KDM5A: variants seen among roughly 807,000 people sequenced by gnomAD.
The protein encoded by KDM5A is lysine demethylase 5A, also known as lysine-specific demethylase 5A.
Under a neutral mutation model 193.5 loss-of-function variants are expected in KDM5A, and 42 were observed. That is an observed-to-expected ratio of 0.22 (90% CI 0.17 to 0.28). KDM5A has a LOEUF of 0.28. KDM5A is among the 10% of genes least tolerant of loss of function. The pLI is 1.00. For missense variants in KDM5A, 1,692 were observed against 2,055.1 expected (o/e 0.82, Z 3.42); for synonymous variants, 796 against 718.1 (o/e 1.11, Z -1.73).
chr12:294,629 C>CT (rs1347564856), intron 26 of KDM5A, among the ~76,000 whole-genome samples: 1 of 152,170 alleles, frequency 6.6e-6, no homozygotes, highest in African/African-American at 2.4e-5. Context: ...CAAACTATAG[C>CT]ATATGCTAAA....
chr12:322,619 C>T (rs1943732180), intron 16 of KDM5A, 52 bp from the exon 17 acceptor site: 1 of 1,537,316 alleles, frequency 6.5e-7, no homozygotes, highest in African/African-American at 1.4e-5. Context: ...ACACAAAAAG[C>T]CATTCTAAAA....
chr12:367,787 A>T (rs1207374098), intron 3 of KDM5A, among the ~76,000 whole-genome samples: 1 of 152,008 alleles, frequency 6.6e-6, no homozygotes, highest in Non-Finnish European at 1.5e-5. Flanking sequence ...AGTTGAACCC[A>T]GGAGATCAAG....
intron 4 of KDM5A, among the ~76,000 whole-genome samples, chr12:363,795 G>C (rs7311496): frequency 0.81 from 122,140 of 151,718 alleles, 49,352 homozygotes; most frequent in East Asian, 0.91. Flanking sequence ...TTCAAAAAGT[G>C]ACCAGTACAA....
chr12:324,313 C>T (rs1043528105), intron 14 of KDM5A, among the ~76,000 whole-genome samples: 2 of 152,020 alleles, frequency 1.3e-5, no homozygotes, highest in African/African-American at 2.4e-5. Flanking sequence ...AAAAAGAATG[C>T]GATTACCACA....
chr12:355,019 C>G, intron 7 of KDM5A, 139 bp downstream of exon 7: 1 of 700,012 alleles, frequency 1.4e-6, no homozygotes, highest in South Asian at 1.5e-5. Context: ...TAAACAAAAG[C>G]TGTAACTTCA....
intron 24 of KDM5A, among the ~76,000 whole-genome samples, chr12:299,751 T>C (rs189823457): frequency 1.4e-4 from 21 of 152,050 alleles, no homozygotes; most frequent in African/African-American, 4.1e-4. Context: ...GACTAGCCAA[T>C]TGGATAAAGA....
At chr12:325,391 AT>A (rs202068753) in intron 14 of KDM5A, among the ~76,000 whole-genome samples, 3 of 151,988 alleles carry the variant, frequency 2.0e-5, no homozygotes, top group South Asian at 2.1e-4. Context: ...GAAAAAATAT[AT>A]TTTTTTTGTT....
At chr12:322,268 A>G (rs961078516) in intron 17 of KDM5A, 149 bp downstream of exon 17, 3 of 679,908 alleles carry the variant, frequency 4.4e-6, no homozygotes, top group African/African-American at 3.6e-5. Context: ...GAATAGTAGG[A>G]GATAAAACTG....
At chr12:348,103 G>A (rs1188089856) in intron 10 of KDM5A, among the ~76,000 whole-genome samples, 2 of 152,146 alleles carry the variant, frequency 1.3e-5, no homozygotes, top group African/African-American at 4.8e-5. Context: ...AGTGGGCAAA[G>A]GATATGAACA....
intron 24 of KDM5A, among the ~76,000 whole-genome samples, chr12:301,545 G>A (rs1482174823): frequency 6.6e-6 from 1 of 152,150 alleles, no homozygotes; most frequent in Non-Finnish European, 1.5e-5. Flanking sequence ...AATAATAAGA[G>A]CTACTTACAA....
At position 361,568 on chromosome 12, in the gene KDM5A, CA is replaced by C. The variant is rs1016670609; in HGVS notation, c.672+1394del. ...ATCTTCATGGTTTCAAGGTGAACAT[CA>C]AAAAAAATTTCATCACAAGCTGGTG... On this transcript the variant is annotated intron_variant, in intron 5 of 27. Coordinates refer to ENST00000399788, the MANE Select transcript of KDM5A (RefSeq NM_001042603.3). Among the ~76,000 whole-genome samples the C allele has an allele frequency of 2.0e-5, 3 of 151,898 alleles. No individual in the cohort carries two copies. The East Asian group carries it at 5.8e-4, about 29-fold the overall frequency.
Position 285,333 on chromosome 12 carries a change from CT to C in KDM5A, c.*122del, listed in dbSNP as rs1943206953. The C allele has an allele frequency of 2.4e-6, 2 of 826,160 alleles. No homozygotes were observed. Among genetic ancestry groups the C allele is most frequent in the African/African-American group, 1.7e-5 (1 of 59,224 alleles). The allele number at this position is 826,160 out of a possible 1,614,324, so 51.2% of individuals were successfully genotyped here. A position where few individuals can be genotyped will look rare whatever the true frequency, so the allele number is the denominator to read the frequency against. On this transcript the variant is annotated 3_prime_UTR_variant, in exon 28 of 28. Transcript: ENST00000399788. ...AAAGAGGAAGCCAGCACTAAGGGGACTTTCTCTGAAGGCCATTCATCTTTGG... is the reference window on the plus strand; with the variant it reads ...AAAGAGGAAGCCAGCACTAAGGGGACTTCTCTGAAGGCCATTCATCTTTGG...
chr12:288,495 T>C, intron 27 of KDM5A, among the ~76,000 whole-genome samples: 1 of 152,364 alleles, frequency 6.6e-6, no homozygotes, highest in Middle Eastern at 3.4e-3. Context: ...ATTAGTTTAA[T>C]ATTCATGTTT....
At chr12:293,724 A>T (rs1943332114) in intron 26 of KDM5A, among the ~76,000 whole-genome samples, 2 of 134,974 alleles carry the variant, frequency 1.5e-5, no homozygotes, top group African/African-American at 5.5e-5. Flanking sequence ...GGTTGCAGTG[A>T]GCCGCAATCA....
chr12:289,200 A>G (rs915416436), intron 27 of KDM5A, among the ~76,000 whole-genome samples: 1 of 152,186 alleles, frequency 6.6e-6, no homozygotes, highest in Non-Finnish European at 1.5e-5. Flanking sequence ...GACTATTTTC[A>G]TAAGTAAAAT....
Position 285,054 on chromosome 12 carries a change from T to C in KDM5A, c.*402A>G, listed in dbSNP as rs1030068560. On this transcript the variant is annotated 3_prime_UTR_variant, in exon 28 of 28. Coordinates refer to ENST00000399788, the MANE Select transcript of KDM5A (RefSeq NM_001042603.3). ...TCCCAATGAAGGAGATCCAAGCAATTAGCACCTTCAGTTGGTGCTGCTCCT... is the reference window on the plus strand; with the variant it reads ...TCCCAATGAAGGAGATCCAAGCAATCAGCACCTTCAGTTGGTGCTGCTCCT... 4.1e-5 allele frequency: 12 copies of C among 289,958 alleles called. No homozygotes were observed. Among genetic ancestry groups the C allele is most frequent in the African/African-American group, 1.9e-4 (9 of 47,754 alleles). 18.0% of individuals were successfully genotyped at this position (289,958 alleles called of 1,614,324 possible).
In KDM5A at chr12:308,003, C is replaced by G; in HGVS notation, c.3381G>C (p.Val1127=). The change falls in exon 23 of 28, where the codon GTG becomes GTC. Residue 1127 remains valine, a splice_region_variant and synonymous_variant. Transcript: ENST00000399788. The part of the protein sequence containing the change: ...LEETRDTAMV[V]AVFKEREQKE... Reference sequence around the variant, plus strand: ...TTTGCTCCCGTTCTTTGAAAACTGCCACCTGTACAAGACAAACATTTAATT... The same window carrying G: ...TTTGCTCCCGTTCTTTGAAAACTGCGACCTGTACAAGACAAACATTTAATT... The G allele has an allele frequency of 2.5e-6, 4 of 1,613,856 alleles. No individual in the cohort carries two copies. The highest frequency in any genetic ancestry group is 1.6e-4 in the Middle Eastern group (1 of 6,062).
chr12:320,597 T>G (rs1591911729), intron 18 of KDM5A, among the ~76,000 whole-genome samples: 1 of 152,072 alleles, frequency 6.6e-6, no homozygotes, highest in East Asian at 1.9e-4. Flanking sequence ...ACTATGGAGA[T>G]TAATATATTT....
rs1408720916 is a variant in KDM5A at position 313,135 on chromosome 12, G to C, written c.2957C>G (p.Ala986Gly). 1 of 1,614,034 alleles carries C rather than the reference G, an allele frequency of 6.2e-7. No homozygotes were observed. Among genetic ancestry groups the C allele is most frequent in the Admixed American group, 1.7e-5 (1 of 60,028 alleles). Residue 986 changes from alanine (A) to glycine (G), a missense_variant, in exon 20 of 28, where the codon GCC (alanine) becomes GGC (glycine). Ala to Gly is a moderately conservative substitution (Grantham distance 60, BLOSUM62 0). Coordinates refer to ENST00000399788, the MANE Select transcript of KDM5A (RefSeq NM_001042603.3). The part of the protein sequence containing the change: ...SIVNEAKNIP[A>G]FLPNVLSLKE... Reference sequence around the variant, plus strand: ...CAAGGACAACACATTGGGTAGAAAGGCTGGAATGTTCTTGGCTTCATTCAC... The same window carrying C: ...CAAGGACAACACATTGGGTAGAAAGCCTGGAATGTTCTTGGCTTCATTCAC...
Sources: gnomAD v4.1 joint callset for allele counts (sites outside exome capture counted in the v4.1 genomes callset) on GRCh38, gnomAD v4.1.1 for gene constraint, MANE v1.5 for transcripts, NCBI Gene and HGNC (gene_info 2026-07-23, HGNC 2026-07-21) for gene names.